TRPM3: variants seen among roughly 807,000 people sequenced by gnomAD.
The protein encoded by TRPM3 is long transient receptor potential channel 3.
In TRPM3, 77 loss-of-function variants were observed where a neutral mutation model predicts 181.2. The ratio of observed to expected loss-of-function variants is 0.42; its 90% CI spans 0.35 to 0.51. The LOEUF is 0.51. Among genes scored for constraint, TRPM3 ranks in the 20% least tolerant of loss-of-function variants. The pLI is 0.01. For synonymous variants in TRPM3, 745 were observed against 796.4 expected, an observed-to-expected ratio of 0.94 and a Z score of 1.09; for missense variants, 1,759 against 2,196.7, an observed-to-expected ratio of 0.80 and a Z score of 3.98.
chr9:70,855,362 A>C (rs2095359890), intron 3 of TRPM3, among the ~76,000 whole-genome samples: 1 of 152,228 alleles, frequency 6.6e-6, no homozygotes, highest in Non-Finnish European at 1.5e-5. Context: ...TGGCAGAGCA[A>C]TCTGCCTTTG....
intron 7 of TRPM3, among the ~76,000 whole-genome samples, chr9:70,769,801 T>C (rs11142580): frequency 0.22 from 33,200 of 152,122 alleles, 4,461 homozygotes; most frequent in Non-Finnish European, 0.3. Flanking sequence ...GCAGTGATTG[T>C]TTCTTTATTC....
chr9:71,279,807 G>T (rs1309328803), intron 1 of TRPM3, among the ~76,000 whole-genome samples: 1 of 152,178 alleles, frequency 6.6e-6, no homozygotes, highest in Non-Finnish European at 1.5e-5. Context: ...GCCGGGCGCG[G>T]TGGCTCATGC....
At chr9:71,098,254 A>G (rs1177354160) in intron 1 of TRPM3, among the ~76,000 whole-genome samples, 2 of 152,184 alleles carry the variant, frequency 1.3e-5, no homozygotes, top group African/African-American at 4.8e-5. Flanking sequence ...AAGCAGTAAA[A>G]TCCAACAATT....
intron 18 of TRPM3, 69 bp downstream of exon 18, chr9:70,615,839 G>T: frequency 6.8e-7 from 1 of 1,472,552 alleles, no homozygotes; most frequent in Non-Finnish European, 9.2e-7. Flanking sequence ...ACTGAATCTT[G>T]AGCATATCGG....
chr9:70,761,267 A>G lies in TRPM3; in HGVS notation c.1272+334T>C, dbSNP rs1228812968. ...GTTCATGACTTCCAAGCAAAATGAA[A>G]TCCGAAACCTAAGAAGATCAAGCTG... On this transcript the variant is annotated intron_variant, in intron 8 of 25. Coordinates refer to ENST00000677713, the MANE Select transcript of TRPM3 (RefSeq NM_001366145.2). 6 of 598,126 alleles carry G rather than the reference A, an allele frequency of 1.0e-5. No homozygotes were observed. The East Asian group carries it at 1.4e-4, about 14-fold the overall frequency. 37.1% of individuals were successfully genotyped at this position (598,126 alleles called of 1,614,324 possible).
intron 1 of TRPM3, among the ~76,000 whole-genome samples, chr9:71,349,993 ATATATATATG>A (rs1197293694): frequency 5.1e-3 from 116 of 22,606 alleles, no homozygotes; most frequent in Admixed American, 6.0e-3. Context: ...ATATATATAT[ATATATATATG>A]GGCCTAAAAA....
Position 70,959,905 on chromosome 9 carries a change from G to A in TRPM3, c.178-95394C>T, listed in dbSNP as rs534750147. Among the ~76,000 whole-genome samples, 5 of 152,258 alleles carry A rather than the reference G, an allele frequency of 3.3e-5. No homozygotes were observed. In the East Asian group the frequency reaches 7.7e-4, roughly 24 times the overall value. On this transcript the variant is annotated intron_variant, in intron 1 of 25. Transcript: ENST00000677713. ...AAGCCTTAGCAGGCAGTAGGGTAGA[G>A]CTATCTGATCTCATCTTAATTGCTT...
intron 1 of TRPM3, among the ~76,000 whole-genome samples, chr9:70,932,412 T>C (rs2096784573): frequency 1.3e-5 from 2 of 152,098 alleles, no homozygotes; most frequent in African/African-American, 4.8e-5. Flanking sequence ...GGGAATACAA[T>C]AATGAACAAA....
chr9:71,014,860 C>G (rs2097771922), intron 1 of TRPM3, among the ~76,000 whole-genome samples: 1 of 152,052 alleles, frequency 6.6e-6, no homozygotes, highest in Non-Finnish European at 1.5e-5. Flanking sequence ...TGTTTTGTCT[C>G]AACTTTGTGA....
intron 6 of TRPM3, among the ~76,000 whole-genome samples, chr9:70,819,590 T>G (rs978470140): frequency 6.6e-6 from 1 of 152,158 alleles, no homozygotes; most frequent in Non-Finnish European, 1.5e-5. Context: ...AAGCAAACTT[T>G]GAAAGTAGCA....
At chr9:71,375,736 A>G (rs1330983088) in intron 1 of TRPM3, among the ~76,000 whole-genome samples, 3 of 152,134 alleles carry the variant, frequency 2.0e-5, no homozygotes, top group African/African-American at 7.2e-5. Flanking sequence ...TTCAGCAACC[A>G]CCATCCTGAT....
intron 1 of TRPM3, among the ~76,000 whole-genome samples, chr9:70,870,945 TA>T (rs1346311393): frequency 6.6e-6 from 1 of 151,972 alleles, no homozygotes; most frequent in African/African-American, 2.4e-5. Flanking sequence ...AGTCAGAAAA[TA>T]TTTTTTTTCA....
chr9:71,156,719 T>A (rs2134669603), intron 1 of TRPM3, among the ~76,000 whole-genome samples: 1 of 152,212 alleles, frequency 6.6e-6, no homozygotes, highest in Middle Eastern at 3.4e-3. Context: ...AAACATTCTT[T>A]AAGGTTCTTA....
chr9:70,977,778 A>G lies in TRPM3; in HGVS notation c.178-113267T>C, dbSNP rs552554870. ...ACTTCTTATTGCTGGTTTGTTAGAA[A>G]GAACACAACTCAGGAACAGCCAGAT... On this transcript the variant is annotated intron_variant, in intron 1 of 25. Transcript: ENST00000677713. 9.8e-5 allele frequency among the ~76,000 whole-genome samples: 15 copies of G among 152,322 alleles called. No individual in the cohort carries two copies. In the South Asian group the frequency reaches 2.7e-3, roughly 27 times the overall value.
At chr9:70,795,784 G>A (rs1406704718) in intron 6 of TRPM3, among the ~76,000 whole-genome samples, 3 of 152,178 alleles carry the variant, frequency 2.0e-5, no homozygotes, top group Non-Finnish European at 2.9e-5. Context: ...CATAATCAAT[G>A]GGAGCTGTTA....
chr9:70,812,269 G>A (rs769884219), intron 6 of TRPM3, among the ~76,000 whole-genome samples: 41 of 152,226 alleles, frequency 2.7e-4, no homozygotes, highest in Admixed American at 4.6e-4. Flanking sequence ...TGGGAAGTAG[G>A]AGTTTGGCAG....
intron 6 of TRPM3, among the ~76,000 whole-genome samples, chr9:70,806,792 T>G (rs1174542128): frequency 1.3e-5 from 2 of 152,218 alleles, no homozygotes; most frequent in Non-Finnish European, 2.9e-5. Context: ...GCACTATTTA[T>G]AGTCATTTCC....
At chr9:71,344,157 T>A (rs1183185866) in intron 1 of TRPM3, among the ~76,000 whole-genome samples, 2 of 151,766 alleles carry the variant, frequency 1.3e-5, no homozygotes, top group Admixed American at 1.3e-4. Context: ...ACAGAAAAAA[T>A]TAACTGGGGC....
chr9:71,356,486 G>C (rs1421289884), intron 1 of TRPM3, among the ~76,000 whole-genome samples: 1 of 152,116 alleles, frequency 6.6e-6, no homozygotes, highest in Non-Finnish European at 1.5e-5. Flanking sequence ...GACGTAGTTA[G>C]GAGGATGGGC....
Sources: allele counts gnomAD v4.1 joint callset (sites outside exome capture counted in the v4.1 genomes callset), GRCh38; gene constraint gnomAD v4.1.1; transcripts MANE v1.5; gene names NCBI Gene and HGNC (gene_info 2026-07-23, HGNC 2026-07-21).